Variants in SLC4A11 observed in about 807,000 individuals in gnomAD.
SLC4A11 encodes solute carrier family 4 member 11.
In SLC4A11, 74 loss-of-function variants were observed where a neutral mutation model predicts 95.0. That is an observed-to-expected ratio of 0.78 (90% CI 0.65 to 0.95). SLC4A11 has a LOEUF of 0.95. SLC4A11 is among the 40% of genes least tolerant of loss of function. The pLI is 0.00. For synonymous variants in SLC4A11, 548 were observed against 519.0 expected (o/e 1.06, Z -0.76); for missense variants, 1,081 against 1,192.4 (o/e 0.91, Z 1.38).
rs2067758278 is a variant in SLC4A11, at chr20:3,231,158, A to G, written c.1033T>C (p.Phe345Leu). The change falls in exon 9 of 20, where the codon TTC (phenylalanine) becomes CTC (leucine). Residue 345 changes from phenylalanine to leucine, a missense_variant. Coordinates refer to ENST00000642402, the MANE Select transcript of SLC4A11 (RefSeq NM_001174089.2). The surrounding 1 kb of genome is among the most constrained non-coding windows in gnomAD (Gnocchi z 5.2). Reference protein sequence around the residue: ...ARRFPLYPLDFTDGIIGKNKA... With the variant: ...ARRFPLYPLDLTDGIIGKNKA... ...AGCAGAGGCCACGTACCATCAGTGA[A>G]GTCCAAGGGGTACAAGGGGAACCTG... The G allele has an allele frequency of 6.2e-7, 1 of 1,614,162 alleles. No individual in the cohort carries two copies. The highest frequency in any genetic ancestry group is 2.2e-5 in the East Asian group (1 of 44,876).
At position 3,239,180 on chromosome 20, in the gene SLC4A11, C is replaced by G. The variant is rs1184479123; in HGVS notation, c.-43G>C. The G allele has an allele frequency of 9.1e-6, 13 of 1,429,114 alleles. No homozygotes were observed. Among genetic ancestry groups the G allele is most frequent in the Non-Finnish European group, 1.0e-5 (11 of 1,091,878 alleles). The allele number at this position is 1,429,114 out of a possible 1,614,324, so 88.5% of individuals were successfully genotyped here. A position where few individuals can be genotyped will look rare whatever the true frequency, so the allele number is the denominator to read the frequency against. On this transcript the variant is annotated 5_prime_UTR_variant, in exon 1 of 20. Coordinates refer to ENST00000642402, the MANE Select transcript of SLC4A11 (RefSeq NM_001174089.2). ...ACGGCCGGGCTCCTCACGCGGCGCTCCGGCGCTTCTGGACCCCAAACTCGG... is the reference window on the plus strand; with the variant it reads ...ACGGCCGGGCTCCTCACGCGGCGCTGCGGCGCTTCTGGACCCCAAACTCGG...
chr20:3,227,844 C>T lies in SLC4A11; in HGVS notation c.2571G>A (p.Leu857=), dbSNP rs771230452. 3.7e-6 allele frequency: 6 copies of T among 1,612,980 alleles called. No homozygotes were observed. The highest frequency in any genetic ancestry group is 5.1e-6 in the Non-Finnish European group (6 of 1,179,790). Residue 857 remains leucine (L), a synonymous_variant, in exon 20 of 20, where the codon CTG becomes CTA. Transcript: ENST00000642402. ...AGTACTTGGCTTCAATGATTCGGGG[C>T]AGCAGGATATAGCTGTGGGGAGGGA... ...IAMIPIRYIL[L]PRIIEAKYLD... is the part of the protein sequence containing the mutation.
chr20:3,235,299 TCTCTCTCTCTCACA>T (rs1187280667), intron 2 of SLC4A11, among the ~76,000 whole-genome samples: 2 of 113,866 alleles, frequency 1.8e-5, no homozygotes, highest in African/African-American at 3.0e-5. Flanking sequence ...TCTCTCTCTC[TCTCTCTCTCTCACA>T]CACACACACA....
chr20:3,228,389 G>A lies in SLC4A11; in HGVS notation c.2428C>T (p.Gln810Ter). 6.2e-7 allele frequency: 1 copy of A among 1,613,330 alleles called. No individual in the cohort carries two copies. The highest frequency in any genetic ancestry group is 8.5e-7 in the Non-Finnish European group (1 of 1,180,000). ...CCCGTGAAGTAGTGGATCTTCCTCTGGGGCACCCTCCGGATGTAGTGTGTC... is the reference window on the plus strand; with the variant it reads ...CCCGTGAAGTAGTGGATCTTCCTCTAGGGCACCCTCCGGATGTAGTGTGTC... Reference protein sequence around the residue: ...PPTHYIRRVPQRKIHYFTGLQ... With the variant: ...PPTHYIRRVP The change falls in exon 19 of 20, where the codon CAG becomes TAG. Residue 810 changes from glutamine to a stop codon, truncating the protein, a stop_gained. Transcript: ENST00000642402. LOFTEE classifies it high-confidence loss of function.
At position 3,228,855 on chromosome 20, in the gene SLC4A11, G is replaced by A. The variant is rs372681319; in HGVS notation, c.2175C>T (p.Asn725=). 5.2e-5 allele frequency: 84 copies of A among 1,613,702 alleles called. No homozygotes were observed. The highest frequency in any genetic ancestry group is 1.8e-4 in the East Asian group (8 of 44,882). Residue 725 remains asparagine, a synonymous_variant, in exon 17 of 20, where the codon AAC becomes AAT. Transcript: ENST00000642402. ...ACACTCACGTGTCATAGATGTGTCC[G>A]TTCTCCACACGCTCCTCCACTAAGG... ...ALALVEERVE[N]GHIYDTIVNV... is the part of the protein sequence containing the mutation.
At chr20:3,239,485 C>T (rs2068087721), upstream of SLC4A11, 1 of 1,010,922 alleles carries the variant, frequency 9.9e-7, no homozygotes, top group South Asian at 4.6e-5. Context: ...AGGGGCTGGA[C>T]GGGGCCGGGG....
intron 16 of SLC4A11, 24 bp downstream of exon 16, chr20:3,229,071 C>A (rs1265322995): frequency 1.3e-6 from 2 of 1,550,674 alleles, no homozygotes; most frequent in Admixed American, 2.0e-5. Flanking sequence ...CCCCGCCCAC[C>A]CCACCCTCAC....
chr20:3,233,880 C>T (rs1418900767), intron 6 of SLC4A11, 41 bp downstream of exon 6: 1 of 1,606,176 alleles, frequency 6.2e-7, no homozygotes, highest in Non-Finnish European at 8.5e-7. Context: ...CACCCAGTTC[C>T]ACTGCGACAA....
chr20:3,233,899 G>A (rs1241981162), intron 6 of SLC4A11, 22 bp downstream of exon 6: 1 of 1,611,138 alleles, frequency 6.2e-7, no homozygotes, highest in South Asian at 1.1e-5. Flanking sequence ...AAGAAGGGGG[G>A]CCAAGTGGCC....
intron 6 of SLC4A11, 99 bp downstream of exon 6, chr20:3,233,822 C>T: frequency 1.3e-6 from 2 of 1,520,838 alleles, no homozygotes; most frequent in Non-Finnish European, 1.8e-6. Context: ...GCCAGAGCCC[C>T]AGGACTCACA....
intron 1 of SLC4A11, 103 bp downstream of exon 1, chr20:3,238,992 G>A: frequency 7.3e-7 from 1 of 1,363,846 alleles, no homozygotes; most frequent in Non-Finnish European, 9.5e-7. Context: ...GCCCCGGCCC[G>A]CGCAGGCAGA....
Position 3,234,255 on chromosome 20 carries a change from G to A in SLC4A11, c.351C>T (p.Phe117=), listed in dbSNP as rs199629038. Residue 117 remains phenylalanine, a synonymous_variant, in exon 5 of 20, where the codon TTC becomes TTT. Transcript: ENST00000642402. The surrounding 1 kb of genome is among the most constrained non-coding windows in gnomAD (Gnocchi z 5.8). The part of the protein sequence containing the change: ...EIRAHRDLDG[F]LAQASIVLNE... ...TCAGGACGATGCTGGCCTGCGCCAG[G>A]AAGCCATCTAGGTCGCGGTGCGCAC... is the stretch of plus-strand genomic sequence containing the variant. The A allele has an allele frequency of 1.4e-5, 23 of 1,614,066 alleles. No homozygotes were observed. Among genetic ancestry groups the A allele is most frequent in the Middle Eastern group, 3.3e-4 (2 of 6,062 alleles).
chr20:3,233,663 G>A (rs762746385), intron 6 of SLC4A11, 26 bp from the exon 7 acceptor site: 47 of 1,609,274 alleles, frequency 2.9e-5, no homozygotes, highest in Non-Finnish European at 3.6e-5. Flanking sequence ...AGGACACAGT[G>A]CACAGTTGCA....
chr20:3,231,617 T>C lies in SLC4A11; in HGVS notation c.730-69A>G, dbSNP rs1320320763. The C allele has an allele frequency of 2.8e-6, 4 of 1,452,936 alleles. No individual in the cohort carries two copies. The highest frequency in any genetic ancestry group is 3.9e-6 in the Non-Finnish European group (4 of 1,037,096). The allele number at this position is 1,452,936 out of a possible 1,614,324, so 90.0% of individuals were successfully genotyped here. On this transcript the variant is annotated intron_variant, in intron 7 of 19. Coordinates refer to ENST00000642402, the MANE Select transcript of SLC4A11 (RefSeq NM_001174089.2). This position sits in a 1 kb window ranked among gnomAD's most constrained non-coding sequence, Gnocchi z 5.2. Reference sequence around the variant, plus strand: ...CCTGCCCGGGCCGAGCAGGTGAAGGTGCTCTCCCCATGAACTGGCAGCAGG... The same window carrying C: ...CCTGCCCGGGCCGAGCAGGTGAAGGCGCTCTCCCCATGAACTGGCAGCAGG...
At position 3,233,905 on chromosome 20, in the gene SLC4A11, T is replaced by G; in HGVS notation, c.605+16A>C. 1 of 1,611,860 alleles carries G rather than the reference T, an allele frequency of 6.2e-7. No individual in the cohort carries two copies. Among genetic ancestry groups the G allele is most frequent in the Non-Finnish European group, 8.5e-7 (1 of 1,179,842 alleles). On this transcript the variant is annotated intron_variant, in intron 6 of 19. Coordinates refer to ENST00000642402, the MANE Select transcript of SLC4A11 (RefSeq NM_001174089.2). ...CACTGCGACAAGAAGGGGGGCCAAG[T>G]GGCCTGGCAACTCACATGATGCAGA...
chr20:3,228,982 T>G lies in SLC4A11; in HGVS notation c.2048A>C (p.Asp683Ala). 1 of 1,613,260 alleles carries G rather than the reference T, an allele frequency of 6.2e-7. No homozygotes were observed. The highest frequency in any genetic ancestry group is 8.5e-7 in the Non-Finnish European group (1 of 1,179,936). ...GTTGATGATGGCGAGGAGCAGGAGG[T>G]CCCAGTGGTAGGCAGTGCCCTTCAC... ...RLVKGTAYHWDLLLLAIINTG... is the reference protein window; with the variant it reads ...RLVKGTAYHWALLLLAIINTG... The change falls in exon 17 of 20, where the codon GAC becomes GCC. Residue 683 changes from aspartate (D) to alanine (A), a missense_variant. Physicochemically the swap from Asp to Ala is moderately radical, Grantham distance 126 (BLOSUM62 -2). Around this residue, in one of 3 missense-constraint regions of SLC4A11, gnomAD observed 767 missense variants for 858.0 expected, o/e 0.89. Transcript: ENST00000642402.
At chr20:3,239,239 C>T (rs2068082756), upstream of SLC4A11, 7 of 1,298,792 alleles carry the variant, frequency 5.4e-6, no homozygotes, top group Non-Finnish European at 6.8e-6. Context: ...GAGCCGGCGA[C>T]ACACCCCCAC....
At position 3,234,515 on chromosome 20, in the gene SLC4A11, A is replaced by G. The variant is rs1383026256; in HGVS notation, c.291+53T>C. The G allele has an allele frequency of 3.7e-6, 6 of 1,608,300 alleles. No individual in the cohort carries two copies. ...CGGGAGGATTCTCAGGGAAGCCATC[A>G]CCTCAGCCCCCAGGTAGAGGCCCCA... On this transcript the variant is annotated intron_variant, in intron 4 of 19. Transcript: ENST00000642402. This position sits in a 1 kb window ranked among gnomAD's most constrained non-coding sequence, Gnocchi z 5.8.
rs1172241244 is a variant in SLC4A11 at position 3,231,659 on chromosome 20, T to C, written c.730-111A>G. 1.1e-6 allele frequency: 1 copy of C among 951,008 alleles called. No individual in the cohort carries two copies. The highest frequency in any genetic ancestry group is 1.6e-5 in the African/African-American group (1 of 61,082). 58.9% of individuals were successfully genotyped at this position (951,008 alleles called of 1,614,324 possible). ...GGCAGCAGGTTTTTTGTCTGTTTGT[T>C]TTTTGTGTTTTTTTGAGACAGGGTC... On this transcript the variant is annotated intron_variant, in intron 7 of 19. Coordinates refer to ENST00000642402, the MANE Select transcript of SLC4A11 (RefSeq NM_001174089.2). This position sits in a 1 kb window ranked among gnomAD's most constrained non-coding sequence, Gnocchi z 5.2.
Sources: allele counts gnomAD v4.1 joint callset (sites outside exome capture counted in the v4.1 genomes callset), GRCh38; gene constraint gnomAD v4.1.1; regional missense constraint gnomAD v4.1.1; non-coding constraint Gnocchi (gnomAD v3.1); transcripts MANE v1.5; gene names NCBI Gene and HGNC (gene_info 2026-07-23, HGNC 2026-07-21).